Variants in VPS29 observed in about 807,000 individuals in gnomAD.
VPS29 encodes vacuolar protein sorting-associated protein 29.
In VPS29, 2 loss-of-function variants were observed where a neutral mutation model predicts 20.0. That is an observed-to-expected ratio of 0.10 (90% CI 0.04 to 0.31). The LOEUF is 0.31. Ranked by LOEUF, VPS29 falls within the 10% of genes least tolerant of loss-of-function variation. VPS29 has a pLI of 1.00. For synonymous variants in VPS29, 81 were observed against 79.3 expected (o/e 1.02, Z -0.12); for missense variants, 120 against 215.3 (o/e 0.56, Z 2.77).
intron 1 of VPS29, among the ~76,000 whole-genome samples, chr12:110,497,785 C>G (rs920465482): frequency 2.2e-4 from 34 of 151,554 alleles, no homozygotes; most frequent in Middle Eastern, 3.4e-3. Flanking sequence ...TAATCCCAGC[C>G]AACTTGGGAG....
At chr12:110,496,430 A>C in intron 1 of VPS29, 1 of 397,306 alleles carries the variant, frequency 2.5e-6, no homozygotes, top group African/African-American at 2.0e-5. Flanking sequence ...TTGTATCATG[A>C]CAATTTAAAC....
At chr12:110,493,542 A>G (rs970800041) in intron 2 of VPS29, among the ~76,000 whole-genome samples, 1 of 152,010 alleles carries the variant, frequency 6.6e-6, no homozygotes, top group Admixed American at 6.6e-5. Context: ...TTGTATTTTT[A>G]GTAGAGACGG....
intron 3 of VPS29, among the ~76,000 whole-genome samples, chr12:110,492,576 A>C (rs1224689598): frequency 6.6e-6 from 1 of 151,244 alleles, no homozygotes; most frequent in Non-Finnish European, 1.5e-5. Flanking sequence ...TCTCAAAAAA[A>C]AAAAAAGTCA....
intron 1 of VPS29, chr12:110,501,340 C>G: frequency 6.6e-7 from 1 of 1,526,194 alleles, no homozygotes; most frequent in Non-Finnish European, 8.8e-7. Context: ...CACCGGCACT[C>G]TCCCCAGAAA....
rs531404675 is a variant in VPS29, at chr12:110,495,671, C to A, written c.195+341G>T. 2.0e-5 allele frequency among the ~76,000 whole-genome samples: 3 copies of A among 151,942 alleles called. No homozygotes were observed. In the South Asian group the frequency reaches 6.3e-4, roughly 32 times the overall value. On this transcript the variant is annotated intron_variant, in intron 2 of 3. Coordinates refer to ENST00000549578, the MANE Select transcript of VPS29 (RefSeq NM_016226.5). ...TCAGGGAGCCAAGATCGTGCCACTG[C>A]ATTCCAGCCTGGGCGACAGAGCAAG...
chr12:110,497,720 G>C (rs1340164718), intron 1 of VPS29, among the ~76,000 whole-genome samples: 1 of 151,572 alleles, frequency 6.6e-6, no homozygotes, highest in African/African-American at 2.4e-5. Context: ...GTAAAACACT[G>C]TCTTTACTAA....
intron 2 of VPS29, among the ~76,000 whole-genome samples, chr12:110,494,410 GCC>G (rs1487778032): frequency 6.7e-6 from 1 of 149,838 alleles, no homozygotes; most frequent in African/African-American, 2.5e-5. Flanking sequence ...CCACCACCAT[GCC>G]CAGCTAATTT....
chr12:110,492,791 T>C (rs189531956), intron 3 of VPS29: 1 of 473,476 alleles, frequency 2.1e-6, no homozygotes, highest in East Asian at 3.8e-5. Flanking sequence ...CCAGCTAATT[T>C]TTAAAATTTT....
At chr12:110,497,819 A>T (rs895733618) in intron 1 of VPS29, among the ~76,000 whole-genome samples, 9 of 151,466 alleles carry the variant, frequency 5.9e-5, no homozygotes, top group African/African-American at 2.2e-4. Flanking sequence ...AATTGCTTGA[A>T]CTCAGGAGGC....
At chr12:110,492,676 C>T (rs1182153914) in intron 3 of VPS29, among the ~76,000 whole-genome samples, 1 of 150,924 alleles carries the variant, frequency 6.6e-6, no homozygotes, top group Non-Finnish European at 1.5e-5. Context: ...GGCTGGAGTA[C>T]AGAGCCTCAA....
chr12:110,495,401 A>G (rs929385868), intron 2 of VPS29, among the ~76,000 whole-genome samples: 2 of 152,156 alleles, frequency 1.3e-5, no homozygotes, highest in Non-Finnish European at 1.5e-5. Flanking sequence ...CGGCGGTGAA[A>G]AGTTCATAAT....
At chr12:110,501,521 G>A in intron 1 of VPS29, 1 of 1,535,472 alleles carries the variant, frequency 6.5e-7, no homozygotes, top group Non-Finnish European at 8.7e-7. Flanking sequence ...GCAGCTAGAT[G>A]TTATTTCAGG....
chr12:110,493,877 A>C (rs2062857283), intron 2 of VPS29, among the ~76,000 whole-genome samples: 1 of 152,164 alleles, frequency 6.6e-6, no homozygotes, highest in South Asian at 2.1e-4. Flanking sequence ...GTGTGTTCAA[A>C]TTATAGCTTA....
chr12:110,494,407 C>T (rs2062868238), intron 2 of VPS29, among the ~76,000 whole-genome samples: 1 of 151,612 alleles, frequency 6.6e-6, no homozygotes, highest in Admixed American at 6.6e-5. Context: ...CGCCCACCAC[C>T]ATGCCCAGCT....
At chr12:110,495,731 A>C (rs1229443591) in intron 2 of VPS29, among the ~76,000 whole-genome samples, 2 of 152,052 alleles carry the variant, frequency 1.3e-5, no homozygotes, top group Non-Finnish European at 2.9e-5. Flanking sequence ...CAAACAAAAA[A>C]AACTTTATAA....
intron 1 of VPS29, chr12:110,501,578 CG>C: frequency 6.5e-7 from 1 of 1,535,246 alleles, no homozygotes. Context: ...CAAAGTTAAA[CG>C]GGTACGAAAT....
intron 3 of VPS29, 21 bp downstream of exon 3, chr12:110,492,975 C>T (rs979791218): frequency 6.3e-7 from 1 of 1,576,378 alleles, no homozygotes; most frequent in Non-Finnish European, 8.6e-7. Context: ...CCCCCAAATT[C>T]CCAAATTCTA....
chr12:110,500,596 G>A (rs2062995529), intron 1 of VPS29, among the ~76,000 whole-genome samples: 1 of 152,158 alleles, frequency 6.6e-6, no homozygotes, highest in South Asian at 2.1e-4. Flanking sequence ...TGTTTGTCAT[G>A]CAATAGTAAT....
intron 3 of VPS29, 90 bp from the exon 4 acceptor site, chr12:110,492,212 G>A (rs1332763563): frequency 9.8e-7 from 1 of 1,020,314 alleles, no homozygotes. Context: ...TGGATTCAGA[G>A]AAATCTGTTA....
Sources: allele counts gnomAD v4.1 joint callset (sites outside exome capture counted in the v4.1 genomes callset), GRCh38; gene constraint gnomAD v4.1.1; transcripts MANE v1.5; gene names NCBI Gene and HGNC (gene_info 2026-07-23, HGNC 2026-07-21).